Variants in AFG2A observed in about 807,000 individuals in gnomAD.
AFG2A encodes AAA ATPase AFG2A.
chr4:123,023,133 T>C, the AFG2A span, among the ~76,000 whole-genome samples: 10 of 151,464 alleles, frequency 6.6e-5, no homozygotes, highest in African/African-American at 2.4e-4. Context: ...CATGTATACA[T>C]ATGTAACTAA....
the AFG2A span, among the ~76,000 whole-genome samples, chr4:123,071,541 A>G: frequency 2.0e-5 from 3 of 152,108 alleles, no homozygotes; most frequent in Admixed American, 6.6e-5. Context: ...AATCAAAACT[A>G]TACAAATGTA....
chr4:123,306,514 CTG>C, the AFG2A span, among the ~76,000 whole-genome samples: 1 of 69,822 alleles, frequency 1.4e-5, no homozygotes, highest in Non-Finnish European at 4.3e-5. Flanking sequence ...TTGCAAAAAG[CTG>C]TATATATATA....
chr4:123,006,545 CT>C, the AFG2A span, among the ~76,000 whole-genome samples: 2 of 152,062 alleles, frequency 1.3e-5, no homozygotes, highest in East Asian at 3.9e-4. Context: ...TTCTTTTTTA[CT>C]TTTTTTGTTT....
At chr4:122,948,707 A>C in the AFG2A span, among the ~76,000 whole-genome samples, 1 of 152,176 alleles carries the variant, frequency 6.6e-6, no homozygotes, top group Non-Finnish European at 1.5e-5. Flanking sequence ...GGACAGGAGA[A>C]CTGCAATCAC....
At chr4:123,106,249 T>C in the AFG2A span, among the ~76,000 whole-genome samples, 1 of 152,192 alleles carries the variant, frequency 6.6e-6, no homozygotes, top group Non-Finnish European at 1.5e-5. Flanking sequence ...TATATATTTT[T>C]CCCCCATACA....
chr4:122,950,805 C>T, the AFG2A span, among the ~76,000 whole-genome samples: 1 of 152,236 alleles, frequency 6.6e-6, no homozygotes, highest in African/African-American at 2.4e-5. Context: ...ATGTAGTCTA[C>T]CTGCCACCAT....
At chr4:123,296,022 T>C in the AFG2A span, among the ~76,000 whole-genome samples, 1 of 152,108 alleles carries the variant, frequency 6.6e-6, no homozygotes, top group Non-Finnish European at 1.5e-5. Context: ...TCCCAGCTAA[T>C]GAATGAAGAA....
At chr4:122,948,618 A>G in the AFG2A span, among the ~76,000 whole-genome samples, 2 of 152,156 alleles carry the variant, frequency 1.3e-5, no homozygotes, top group African/African-American at 4.8e-5. Context: ...AGGCCAAAGA[A>G]GGGACCCAGA....
chr4:123,109,524 CAT>C, the AFG2A span, among the ~76,000 whole-genome samples: 3 of 152,078 alleles, frequency 2.0e-5, no homozygotes, highest in Admixed American at 6.5e-5. Flanking sequence ...AAGAAATACT[CAT>C]ATGATAGATC....
At chr4:123,238,137 A>G in the AFG2A span, among the ~76,000 whole-genome samples, 2 of 152,206 alleles carry the variant, frequency 1.3e-5, no homozygotes, top group Non-Finnish European at 2.9e-5. Context: ...GGCATCCGCC[A>G]TTGCTGAAGC....
the AFG2A span, among the ~76,000 whole-genome samples, chr4:123,265,675 T>G: frequency 6.6e-6 from 1 of 152,042 alleles, no homozygotes; most frequent in African/African-American, 2.4e-5. Context: ...AGCAACAAAC[T>G]TAATAGAACT....
At chr4:123,006,115 T>TTA in the AFG2A span, among the ~76,000 whole-genome samples, 116 of 151,954 alleles carry the variant, frequency 7.6e-4, no homozygotes, top group Non-Finnish European at 1.3e-3. Context: ...TTTTTTTTTT[T>TTA]AATATCTGAA....
chr4:123,122,987 G>T, the AFG2A span, among the ~76,000 whole-genome samples: 1 of 151,982 alleles, frequency 6.6e-6, no homozygotes, highest in Non-Finnish European at 1.5e-5. Flanking sequence ...GAAAGCTTTT[G>T]TCAGAGGAAC....
the AFG2A span, among the ~76,000 whole-genome samples, chr4:122,975,286 A>G: frequency 6.6e-6 from 1 of 152,156 alleles, no homozygotes. Context: ...GGTAAGAAAA[A>G]GGGCAAGCCT....
chr4:122,991,983 T>A, the AFG2A span, among the ~76,000 whole-genome samples: 3 of 152,206 alleles, frequency 2.0e-5, no homozygotes, highest in Non-Finnish European at 4.4e-5. Flanking sequence ...GTCAGGTAGA[T>A]GCCCAGTCAT....
At chr4:123,149,108 G>A in the AFG2A span, among the ~76,000 whole-genome samples, 2 of 152,112 alleles carry the variant, frequency 1.3e-5, no homozygotes, top group African/African-American at 2.4e-5. Context: ...TTTACAGTTT[G>A]CCCAAGTTAT....
At chr4:123,084,470 T>C in the AFG2A span, among the ~76,000 whole-genome samples, 1 of 151,740 alleles carries the variant, frequency 6.6e-6, no homozygotes, top group African/African-American at 2.4e-5. Flanking sequence ...CATTGACAAA[T>C]TTTGATAAGT....
the AFG2A span, among the ~76,000 whole-genome samples, chr4:122,951,990 T>C: frequency 1.3e-5 from 2 of 152,258 alleles, no homozygotes; most frequent in East Asian, 3.9e-4. Context: ...TTGTTGCAGG[T>C]ATGTAAGCCA....
At chr4:123,097,872 A>G in the AFG2A span, among the ~76,000 whole-genome samples, 350 of 152,292 alleles carry the variant, frequency 2.3e-3, 2 homozygotes, top group African/African-American at 7.8e-3. Flanking sequence ...CTGGTTTTGC[A>G]TATCCCATTG....
Sources: allele counts gnomAD v4.1 joint callset (sites outside exome capture counted in the v4.1 genomes callset), GRCh38; gene constraint gnomAD v4.1.1; transcripts MANE v1.5; gene names NCBI Gene and HGNC (gene_info 2026-07-23, HGNC 2026-07-21).